The following CTNND2 variants were observed in gnomAD, a reference collection of about 807,000 sequenced individuals.
The protein encoded by CTNND2 is catenin delta 2, also known as catenin delta-2.
In CTNND2, 22 loss-of-function variants were observed where a neutral mutation model predicts 144.4. The observed-to-expected ratio is 0.15, with a 90% CI of 0.11 to 0.22. The LOEUF (loss-of-function observed/expected upper bound fraction) is 0.22. CTNND2 is among the 10% of genes least tolerant of loss of function. The pLI, the probability that CTNND2 is intolerant of heterozygous loss-of-function variation, is 1.00. For missense variants in CTNND2, 1,353 were observed against 1,618.8 expected (o/e 0.84, Z 2.82); for synonymous variants, 751 against 695.6 (o/e 1.08, Z -1.25).
At chr5:11,849,171 C>T (rs1378539024) in intron 1 of CTNND2, among the ~76,000 whole-genome samples, 1 of 152,144 alleles carries the variant, frequency 6.6e-6, no homozygotes, top group Non-Finnish European at 1.5e-5. Flanking sequence ...TCTTACAACG[C>T]AGCAGGCAAG....
At chr5:11,616,069 A>C (rs190827926) in intron 2 of CTNND2, among the ~76,000 whole-genome samples, 31 of 152,182 alleles carry the variant, frequency 2.0e-4, no homozygotes, top group Non-Finnish European at 3.4e-4. Flanking sequence ...ATGACATTAC[A>C]TTTTTCCTGT....
chr5:11,711,908 G>T (rs1436040619), intron 2 of CTNND2, among the ~76,000 whole-genome samples: 2 of 152,224 alleles, frequency 1.3e-5, no homozygotes, highest in East Asian at 3.9e-4. Context: ...GATAATGTGT[G>T]TGAGGCATGG....
chr5:11,083,805 C>A, intron 15 of CTNND2: 5 of 660,478 alleles, frequency 7.6e-6, no homozygotes, highest in Non-Finnish European at 9.7e-6. Flanking sequence ...CCAGTCCTTT[C>A]CCACCCAGTC....
chr5:11,750,459 T>C (rs1788548853), intron 1 of CTNND2, among the ~76,000 whole-genome samples: 1 of 151,898 alleles, frequency 6.6e-6, no homozygotes, highest in Non-Finnish European at 1.5e-5. Flanking sequence ...TTGGTATTGT[T>C]TGTTACTTTG....
At chr5:11,206,409 G>A (rs1738053364) in intron 10 of CTNND2, among the ~76,000 whole-genome samples, 1 of 152,136 alleles carries the variant, frequency 6.6e-6, no homozygotes, top group Non-Finnish European at 1.5e-5. Flanking sequence ...TACTCATTAA[G>A]TGCACCCAAG....
chr5:11,498,926 TA>T (rs1459128116), intron 3 of CTNND2, among the ~76,000 whole-genome samples: 1 of 152,184 alleles, frequency 6.6e-6, no homozygotes, highest in Non-Finnish European at 1.5e-5. Flanking sequence ...TGTTTTTTTT[TA>T]AATGTATTTG....
chr5:11,367,058 T>C (rs984374538), intron 7 of CTNND2, among the ~76,000 whole-genome samples: 5 of 152,266 alleles, frequency 3.3e-5, no homozygotes, highest in African/African-American at 9.6e-5. Flanking sequence ...AATAGGATAC[T>C]ATACTTTTTT....
chr5:11,785,591 T>G (rs1790783886), intron 1 of CTNND2, among the ~76,000 whole-genome samples: 3 of 151,922 alleles, frequency 2.0e-5, no homozygotes, highest in African/African-American at 7.3e-5. Context: ...TATGTTAATG[T>G]GGGAAAAAAG....
chr5:11,342,689 C>A (rs1754394738), intron 9 of CTNND2, among the ~76,000 whole-genome samples: 1 of 152,202 alleles, frequency 6.6e-6, no homozygotes, highest in Admixed American at 6.5e-5. Context: ...ATAGACAAGA[C>A]AGTTATAATA....
At chr5:11,190,066 G>C (rs1018597764) in intron 11 of CTNND2, among the ~76,000 whole-genome samples, 5 of 152,158 alleles carry the variant, frequency 3.3e-5, no homozygotes, top group Non-Finnish European at 5.9e-5. Flanking sequence ...AGCATAGAAG[G>C]CATGAGATAC....
At chr5:11,151,519 G>T (rs943867422) in intron 12 of CTNND2, among the ~76,000 whole-genome samples, 2 of 152,004 alleles carry the variant, frequency 1.3e-5, no homozygotes, top group South Asian at 2.1e-4. Flanking sequence ...TGAGTAATTT[G>T]TTCATATTAA....
intron 20 of CTNND2, among the ~76,000 whole-genome samples, chr5:10,987,910 C>T (rs1738200924): frequency 6.6e-6 from 1 of 151,982 alleles, no homozygotes; most frequent in South Asian, 2.1e-4. Flanking sequence ...GGGTAGAAAA[C>T]ATTTTATCTT....
chr5:11,681,482 T>C (rs764015681), intron 2 of CTNND2, among the ~76,000 whole-genome samples: 14 of 152,322 alleles, frequency 9.2e-5, no homozygotes, highest in Non-Finnish European at 1.3e-4. Context: ...GCCCTGATCT[T>C]GCTATTTATT....
chr5:11,305,888 G>C (rs1353295724), intron 9 of CTNND2, among the ~76,000 whole-genome samples: 1 of 152,200 alleles, frequency 6.6e-6, no homozygotes, highest in African/African-American at 2.4e-5. Flanking sequence ...CCCCGAGGAA[G>C]GCCTTGCAGT....
At chr5:11,797,015 G>T (rs1581899820) in intron 1 of CTNND2, among the ~76,000 whole-genome samples, 1 of 152,150 alleles carries the variant, frequency 6.6e-6, no homozygotes, top group Non-Finnish European at 1.5e-5. Context: ...TTATCTCATT[G>T]TGTTTATATG....
intron 15 of CTNND2, among the ~76,000 whole-genome samples, chr5:11,083,242 G>T (rs1001702651): frequency 3.3e-5 from 5 of 152,238 alleles, no homozygotes; most frequent in Admixed American, 6.5e-5. Context: ...AGAATGGGTT[G>T]TGTGGGAGTG....
intron 2 of CTNND2, among the ~76,000 whole-genome samples, chr5:11,621,825 G>A (rs1335783187): frequency 6.6e-6 from 1 of 152,142 alleles, no homozygotes; most frequent in African/African-American, 2.4e-5. Flanking sequence ...GTCTCCTAAT[G>A]CTAAGGATTG....
intron 10 of CTNND2, among the ~76,000 whole-genome samples, chr5:11,235,726 G>C (rs1239641268): frequency 1.3e-5 from 2 of 152,124 alleles, no homozygotes; most frequent in Non-Finnish European, 2.9e-5. Context: ...ATTCCACAAA[G>C]AAACAGGACT....
At chr5:11,278,389 G>A (rs1348241303) in intron 9 of CTNND2, among the ~76,000 whole-genome samples, 1 of 152,138 alleles carries the variant, frequency 6.6e-6, no homozygotes, top group Non-Finnish European at 1.5e-5. Context: ...CCAGACACTG[G>A]AAAGCATGAA....
Sources: gnomAD v4.1 joint callset for allele counts (sites outside exome capture counted in the v4.1 genomes callset) on GRCh38, gnomAD v4.1.1 for gene constraint, MANE v1.5 for transcripts, NCBI Gene and HGNC (gene_info 2026-07-23, HGNC 2026-07-21) for gene names.